Variants in COL13A1 observed in about 807,000 individuals in gnomAD.
COL13A1 encodes collagen type XIII alpha 1 chain, also known as collagen alpha-1(XIII) chain.
Under a neutral mutation model 130.9 loss-of-function variants are expected in COL13A1, and 89 were observed. The ratio of observed to expected loss-of-function variants is 0.68; its 90% CI spans 0.57 to 0.81. The LOEUF is 0.81. Ranked by LOEUF, COL13A1 falls within the 30% of genes least tolerant of loss-of-function variation. The pLI is 0.00. For synonymous variants in COL13A1, 402 were observed against 341.6 expected (o/e 1.18, Z -1.95); for missense variants, 879 against 934.6 (o/e 0.94, Z 0.78).
chr10:69,949,257 A>T (rs2069007728), intron 38 of COL13A1, among the ~76,000 whole-genome samples: 1 of 152,130 alleles, frequency 6.6e-6, no homozygotes, highest in Non-Finnish European at 1.5e-5. Context: ...ATCTCAGCTC[A>T]TTGCAAACTC....
chr10:69,804,401 C>T (rs1840887172), intron 1 of COL13A1, among the ~76,000 whole-genome samples: 1 of 152,110 alleles, frequency 6.6e-6, no homozygotes, highest in Non-Finnish European at 1.5e-5. Context: ...GTCGCATACT[C>T]TAGGGGCCTT....
chr10:69,861,056 G>A (rs1195409621), intron 2 of COL13A1, among the ~76,000 whole-genome samples: 7 of 152,174 alleles, frequency 4.6e-5, no homozygotes, highest in Non-Finnish European at 8.8e-5. Context: ...ACACCCTCCT[G>A]CGTCCACAGA....
At chr10:69,805,268 A>G (rs1462327472) in intron 1 of COL13A1, among the ~76,000 whole-genome samples, 1 of 151,192 alleles carries the variant, frequency 6.6e-6, no homozygotes, top group Non-Finnish European at 1.5e-5. Context: ...CAGTAAGGCC[A>G]AAAACAGAAG....
At chr10:69,868,393 G>A (rs574787976) in intron 3 of COL13A1, among the ~76,000 whole-genome samples, 89 of 152,122 alleles carry the variant, frequency 5.9e-4, no homozygotes, top group Admixed American at 2.1e-3. Context: ...GCATCATGCC[G>A]CACTCCTTCC....
At chr10:69,827,817 G>T (rs1847861018) in intron 2 of COL13A1, among the ~76,000 whole-genome samples, 1 of 152,102 alleles carries the variant, frequency 6.6e-6, no homozygotes, top group Admixed American at 6.5e-5. Flanking sequence ...ACAGCCTCAT[G>T]ACATTTACAT....
intron 35 of COL13A1, 62 bp from the exon 36 acceptor site, chr10:69,944,062 TG>T: frequency 2.8e-6 from 4 of 1,413,646 alleles, no homozygotes; most frequent in Non-Finnish European, 3.0e-6. Flanking sequence ...AGGCATCAGG[TG>T]GGGCACCCAG....
chr10:69,933,112 G>C (rs1170436053), intron 31 of COL13A1, among the ~76,000 whole-genome samples: 1 of 118,496 alleles, frequency 8.4e-6, no homozygotes, highest in African/African-American at 3.1e-5. Context: ...CTCCAGCCTG[G>C]GCAACAGAGT....
At chr10:69,850,598 T>C (rs1365845884) in intron 2 of COL13A1, among the ~76,000 whole-genome samples, 1 of 151,672 alleles carries the variant, frequency 6.6e-6, no homozygotes, top group Middle Eastern at 3.4e-3. Flanking sequence ...CTTAGTGCTG[T>C]CTTTTACCAA....
chr10:69,920,196 C>T (rs575662426), intron 21 of COL13A1, among the ~76,000 whole-genome samples: 10 of 152,320 alleles, frequency 6.6e-5, no homozygotes, highest in Admixed American at 2.0e-4. Flanking sequence ...GCCAAGGAGA[C>T]GACACCAAAA....
chr10:69,889,399 C>G lies in COL13A1; in HGVS notation c.577-15C>G. ...GCGAACAGTGCACCTGGTACTCACC[C>G]TCTTCTCCTTCCAGGGCCACCCAGG... On this transcript the variant is annotated splice_polypyrimidine_tract_variant and intron_variant, in intron 9 of 40. Coordinates refer to ENST00000645393, the MANE Select transcript of COL13A1 (RefSeq NM_001368882.1). 1 of 1,609,644 alleles carries G rather than the reference C, an allele frequency of 6.2e-7. No individual in the cohort carries two copies. The highest frequency in any genetic ancestry group is 8.5e-7 in the Non-Finnish European group (1 of 1,178,186).
At chr10:69,879,143 G>A (rs568196046) in intron 6 of COL13A1, among the ~76,000 whole-genome samples, 8 of 152,236 alleles carry the variant, frequency 5.3e-5, no homozygotes, top group East Asian at 3.9e-4. Flanking sequence ...CACATGCCCC[G>A]GGTCACACAG....
chr10:69,924,525 C>G (rs556414855), intron 24 of COL13A1, among the ~76,000 whole-genome samples: 1 of 151,770 alleles, frequency 6.6e-6, no homozygotes, highest in African/African-American at 2.4e-5. Context: ...GGGTCTTTCA[C>G]AAGTAGAGTA....
At chr10:69,852,048 C>T (rs1369237221) in intron 2 of COL13A1, among the ~76,000 whole-genome samples, 1 of 152,158 alleles carries the variant, frequency 6.6e-6, no homozygotes, top group African/African-American at 2.4e-5. Context: ...CTGTTTCCCA[C>T]CCCAGGGCCT....
chr10:69,895,385 G>C (rs780789189), intron 12 of COL13A1, among the ~76,000 whole-genome samples, 165 bp from the exon 13 acceptor site: 7 of 152,208 alleles, frequency 4.6e-5, no homozygotes, highest in African/African-American at 7.2e-5. Flanking sequence ...AGGGGCAAGG[G>C]AGGGACTTAG....
intron 2 of COL13A1, among the ~76,000 whole-genome samples, chr10:69,831,034 A>G (rs1261374612): frequency 1.3e-5 from 2 of 152,228 alleles, no homozygotes; most frequent in African/African-American, 4.8e-5. Context: ...GCCAAATAAT[A>G]CATTATATTG....
chr10:69,922,887 G>A (rs753662200), intron 23 of COL13A1, 93 bp downstream of exon 23: 16 of 741,354 alleles, frequency 2.2e-5, no homozygotes, highest in East Asian at 1.6e-4. Context: ...CGGACATCCC[G>A]CCTTCTCTAG....
intron 38 of COL13A1, among the ~76,000 whole-genome samples, chr10:69,951,157 T>C (rs2069495523): frequency 1.3e-5 from 2 of 151,364 alleles, no homozygotes; most frequent in South Asian, 4.2e-4. Flanking sequence ...CCAAAAATAT[T>C]CTTATCCTCT....
At chr10:69,913,266 C>G (rs1006563163) in intron 17 of COL13A1, among the ~76,000 whole-genome samples, 2 of 152,224 alleles carry the variant, frequency 1.3e-5, no homozygotes, top group African/African-American at 2.4e-5. Flanking sequence ...AGAGCACCCA[C>G]TTCCCCAGCC....
chr10:69,857,511 G>T (rs527430975), intron 2 of COL13A1, among the ~76,000 whole-genome samples: 4 of 152,304 alleles, frequency 2.6e-5, no homozygotes. Flanking sequence ...ATCAGTGGTG[G>T]CATTAGATCT....
Sources: gnomAD v4.1 joint callset for allele counts (sites outside exome capture counted in the v4.1 genomes callset) on GRCh38, gnomAD v4.1.1 for gene constraint, MANE v1.5 for transcripts, NCBI Gene and HGNC (gene_info 2026-07-23, HGNC 2026-07-21) for gene names.